The following CCDC171 variants were observed in gnomAD, a reference collection of about 807,000 sequenced individuals.
CCDC171 encodes the protein coiled-coil domain-containing protein 171.
Under a neutral mutation model 168.2 loss-of-function variants are expected in CCDC171, and 177 were observed. The ratio of observed to expected loss-of-function variants is 1.05; its 90% CI spans 0.93 to 1.19. The LOEUF (loss-of-function observed/expected upper bound fraction) is 1.19, where lower values mean the gene tolerates loss of function less well. Ranked by LOEUF, CCDC171 falls within the 50% of genes most tolerant of loss-of-function variation. CCDC171 has a pLI of 0.00. For missense variants in CCDC171, 1,991 were observed against 1,539.0 expected (o/e 1.29, Z -4.91); for synonymous variants, 687 against 540.8 (o/e 1.27, Z -3.75).
At position 15,784,553 on chromosome 9, in the gene CCDC171, AAATAATGC is replaced by A. The variant is rs749217447; in HGVS notation, c.3128_3135del (p.Asn1043IlefsTer13). ...AGTTTGAAAGTGCATGTGAAGAACT[AAATAATGC>A]ATTACTTCGGGAAGAGCAGGCACAA... On this transcript the variant is annotated frameshift_variant, in exon 21 of 26. Coordinates refer to ENST00000380701, the MANE Select transcript of CCDC171 (RefSeq NM_173550.4). LOFTEE classifies it high-confidence loss of function. The A allele has an allele frequency of 8.7e-6, 14 of 1,613,268 alleles. No homozygotes were observed. Among genetic ancestry groups the A allele is most frequent in the Non-Finnish European group, 1.2e-5 (14 of 1,179,542 alleles).
chr9:15,893,946 A>G (rs1820545429), intron 24 of CCDC171, among the ~76,000 whole-genome samples: 1 of 152,196 alleles, frequency 6.6e-6, no homozygotes, highest in African/African-American at 2.4e-5. Context: ...AGATGTATAA[A>G]TAAATCATTG....
chr9:15,908,843 T>C (rs950312493), intron 24 of CCDC171, among the ~76,000 whole-genome samples: 47 of 151,996 alleles, frequency 3.1e-4, no homozygotes, highest in African/African-American at 1.1e-3. Flanking sequence ...TGCCACATGG[T>C]TTTAAAGCAC....
intron 11 of CCDC171, among the ~76,000 whole-genome samples, chr9:15,696,452 A>G (rs191264446): frequency 4.4e-4 from 67 of 152,316 alleles, no homozygotes; most frequent in African/African-American, 1.6e-3. Context: ...CATAATCATA[A>G]TTTGTTATCA....
At chr9:15,719,291 CAA>C (rs1274640106) in intron 11 of CCDC171, among the ~76,000 whole-genome samples, 1 of 149,346 alleles carries the variant, frequency 6.7e-6, no homozygotes, top group Non-Finnish European at 1.5e-5. Flanking sequence ...TCAGAGGAGA[CAA>C]AAGAAAACAG....
intron 6 of CCDC171, among the ~76,000 whole-genome samples, chr9:15,622,842 G>C (rs1383152618): frequency 3.3e-5 from 5 of 152,078 alleles, no homozygotes; most frequent in African/African-American, 1.2e-4. Flanking sequence ...TAAGTACCGT[G>C]AGCTCATGTA....
intron 21 of CCDC171, among the ~76,000 whole-genome samples, chr9:15,795,640 A>T (rs899512499): frequency 1.6e-4 from 25 of 152,342 alleles, no homozygotes; most frequent in Admixed American, 1.5e-3. Context: ...TGTTAGGGAA[A>T]TCTAGGCTTT....
chr9:15,891,598 A>T (rs1820229079), intron 24 of CCDC171, among the ~76,000 whole-genome samples: 1 of 152,284 alleles, frequency 6.6e-6, no homozygotes, highest in East Asian at 1.9e-4. Context: ...TAAGCCCCAA[A>T]TATCTTTTGA....
intron 1 of CCDC171, among the ~76,000 whole-genome samples, chr9:16,053,011 T>G (rs1833777120): frequency 6.6e-6 from 1 of 152,216 alleles, no homozygotes; most frequent in Non-Finnish European, 1.5e-5. Context: ...ATTCTATGCA[T>G]ACATTGTTGC....
At chr9:15,763,948 G>A (rs981900762) in intron 18 of CCDC171, among the ~76,000 whole-genome samples, 5 of 151,932 alleles carry the variant, frequency 3.3e-5, no homozygotes, top group African/African-American at 1.2e-4. Flanking sequence ...TGGAATTCTT[G>A]GGTTGTAAGC....
At chr9:16,062,325 T>C (rs1833941626), downstream of CCDC171, among the ~76,000 whole-genome samples, 1 of 152,168 alleles carries the variant, frequency 6.6e-6, no homozygotes, top group Non-Finnish European at 1.5e-5. Flanking sequence ...CTGCATGTTC[T>C]CACTCATAAG....
chr9:15,958,993 ACTGC>A (rs1564071099), intron 25 of CCDC171, among the ~76,000 whole-genome samples: 2 of 151,946 alleles, frequency 1.3e-5, no homozygotes, highest in African/African-American at 4.8e-5. Flanking sequence ...GTCTCTCTCC[ACTGC>A]CTCAGCCTTC....
chr9:15,631,628 C>G (rs913918756), intron 7 of CCDC171, among the ~76,000 whole-genome samples: 31 of 152,226 alleles, frequency 2.0e-4, no homozygotes, highest in Admixed American at 7.2e-4. Context: ...TGAAACTATT[C>G]CAGTCAATAG....
At chr9:15,724,625 A>G in intron 13 of CCDC171, 151 bp from the exon 14 acceptor site, 1 of 554,842 alleles carries the variant, frequency 1.8e-6, no homozygotes, top group Non-Finnish European at 3.3e-6. Context: ...TACATTCAGT[A>G]AAATATTTTA....
intron 23 of CCDC171, among the ~76,000 whole-genome samples, chr9:15,872,117 G>C (rs1436334281): frequency 6.6e-6 from 1 of 151,922 alleles, no homozygotes; most frequent in Non-Finnish European, 1.5e-5. Context: ...GCACTGTCAA[G>C]TTGATTCAAC....
intron 3 of CCDC171, among the ~76,000 whole-genome samples, chr9:15,998,449 A>G (rs1331510544): frequency 1.3e-5 from 2 of 152,194 alleles, no homozygotes; most frequent in Non-Finnish European, 2.9e-5. Flanking sequence ...CAGGCATTTC[A>G]TAAGCCCCCA....
intron 24 of CCDC171, among the ~76,000 whole-genome samples, chr9:15,915,506 GT>G (rs960197937): frequency 1.3e-5 from 2 of 152,022 alleles, no homozygotes; most frequent in Non-Finnish European, 2.9e-5. Context: ...AAATCTAAGT[GT>G]TTTTTGGTGG....
chr9:15,948,652 C>T (rs13299103), intron 25 of CCDC171, among the ~76,000 whole-genome samples: 22,920 of 151,702 alleles, frequency 0.15, 2,177 homozygotes, highest in Non-Finnish European at 0.23. Context: ...TCATGTCCTT[C>T]GCCCCCTTTT....
At chr9:15,828,237 A>G (rs772449615) in intron 21 of CCDC171, among the ~76,000 whole-genome samples, 2 of 152,112 alleles carry the variant, frequency 1.3e-5, no homozygotes, top group East Asian at 3.8e-4. Flanking sequence ...TAAAGATTTA[A>G]AAAGTAGATG....
At chr9:15,992,186 A>G (rs972412667) in intron 3 of CCDC171, among the ~76,000 whole-genome samples, 5 of 152,240 alleles carry the variant, frequency 3.3e-5, no homozygotes, top group Admixed American at 6.5e-5. Context: ...CCTCAATAAA[A>G]TACTGGCAAA....
Sources: gnomAD v4.1 joint callset for allele counts (sites outside exome capture counted in the v4.1 genomes callset) on GRCh38, gnomAD v4.1.1 for gene constraint, MANE v1.5 for transcripts, NCBI Gene and HGNC (gene_info 2026-07-23, HGNC 2026-07-21) for gene names.